The following SCN3A variants were observed in gnomAD, a reference collection of about 807,000 sequenced individuals.
SCN3A encodes sodium channel protein type 3 subunit alpha.
SCN3A carries 60 observed loss-of-function variants against 187.6 expected under a neutral mutation model. The observed-to-expected ratio is 0.32, with a 90% CI of 0.26 to 0.40. The LOEUF is 0.40. Ranked by LOEUF, SCN3A falls within the 10% of genes least tolerant of loss-of-function variation. SCN3A has a pLI of 1.00. For missense variants in SCN3A, 1,601 were observed against 2,428.2 expected (o/e 0.66, Z 7.16); for synonymous variants, 788 against 829.2 (o/e 0.95, Z 0.85).
intron 24 of SCN3A, 29 bp downstream of exon 24, chr2:165,096,438 C>A (rs756470511): frequency 5.8e-6 from 9 of 1,564,786 alleles, no homozygotes; most frequent in African/African-American, 5.4e-5. Context: ...AAATCTAGAA[C>A]CTATAAATAA....
At chr2:165,151,889 C>T (rs557915313) in intron 11 of SCN3A, among the ~76,000 whole-genome samples, 1 of 152,234 alleles carries the variant, frequency 6.6e-6, no homozygotes, top group Admixed American at 6.5e-5. Flanking sequence ...TGTTCCTACA[C>T]TGGCAAACAC....
At chr2:165,130,366 G>A (rs1411249938) in intron 16 of SCN3A, 70 bp from the exon 17 acceptor site, 35 of 1,518,744 alleles carry the variant, frequency 2.3e-5, no homozygotes, top group Non-Finnish European at 2.8e-5. Flanking sequence ...TTATTAGTAT[G>A]TGGTATCATA....
chr2:165,161,066 G>A (rs183473397), intron 9 of SCN3A, among the ~76,000 whole-genome samples: 4 of 150,744 alleles, frequency 2.7e-5, no homozygotes, highest in Admixed American at 2.0e-4. Context: ...AGGACTACAC[G>A]TGTGCATCAC....
intron 12 of SCN3A, among the ~76,000 whole-genome samples, chr2:165,145,498 A>G (rs1002071297): frequency 6.6e-6 from 1 of 152,026 alleles, no homozygotes; most frequent in Admixed American, 6.6e-5. Flanking sequence ...TTGTGTATTC[A>G]TGTCCATTTT....
At chr2:165,160,584 A>T (rs1283778844) in intron 9 of SCN3A, among the ~76,000 whole-genome samples, 6 of 151,518 alleles carry the variant, frequency 4.0e-5, no homozygotes. Context: ...AATAAATAAT[A>T]GTTAATAGGC....
chr2:165,154,999 T>C (rs1170093071), intron 10 of SCN3A, among the ~76,000 whole-genome samples: 1 of 152,178 alleles, frequency 6.6e-6, no homozygotes, highest in Non-Finnish European at 1.5e-5. Context: ...TGGGATTCCA[T>C]TTGCACTGCA....
intron 1 of SCN3A, among the ~76,000 whole-genome samples, chr2:165,200,978 C>T (rs1011243357): frequency 1.3e-5 from 2 of 152,036 alleles, no homozygotes; most frequent in African/African-American, 4.8e-5. Context: ...CAAAGACTTT[C>T]CTGAGATTTA....
In SCN3A at chr2:165,092,391, AC is replaced by A; in HGVS notation, c.4669del (p.Val1557PhefsTer7). On this transcript the variant is annotated frameshift_variant, in exon 27 of 28. Coordinates refer to ENST00000283254, the MANE Select transcript of SCN3A (RefSeq NM_006922.4). LOFTEE classifies it high-confidence loss of function. The surrounding 1 kb of genome is among the most constrained non-coding windows in gnomAD (Gnocchi z 4.2). ...TDDQGKYMTLVLSRINLVFIV... is the reference protein window; with the variant it reads ...TDDQGKYMTLXLSRINLVFIV... ...GAACACTAGGTTGATCCGGGACAAA[AC>A]TAGGGTCATGTATTTGCCCTGGTCA... The A allele has an allele frequency of 6.2e-7, 1 of 1,613,960 alleles. No homozygotes were observed. The highest frequency in any genetic ancestry group is 8.5e-7 in the Non-Finnish European group (1 of 1,179,952).
intron 1 of SCN3A, among the ~76,000 whole-genome samples, chr2:165,198,411 T>C (rs1252826726): frequency 6.6e-6 from 1 of 152,020 alleles, no homozygotes; most frequent in African/African-American, 2.4e-5. Context: ...GCGAAAATAC[T>C]GGTTAGATTG....
chr2:165,163,644 G>T lies in SCN3A; in HGVS notation c.668C>A (p.Ala223Glu). Residue 223 changes from alanine to glutamate, a missense_variant, in exon 7 of 28, where the codon GCA becomes GAA. By Grantham distance (107) the Ala-to-Glu change is moderately radical. Around this residue, in one of 11 missense-constraint regions of SCN3A, gnomAD observed 122 missense variants for 225.1 expected, o/e 0.54. Coordinates refer to ENST00000283254, the MANE Select transcript of SCN3A (RefSeq NM_006922.4). ...SALRTFRVLR[A>E]LKTISVIPGL... ...TGGAATGACTGAAATTGTTTTCAGTGCTCGGAGAACTCTGAATGTTCTCAA... is the reference window on the plus strand; with the variant it reads ...TGGAATGACTGAAATTGTTTTCAGTTCTCGGAGAACTCTGAATGTTCTCAA... 1 of 1,614,030 alleles carries T rather than the reference G, an allele frequency of 6.2e-7. No individual in the cohort carries two copies.
chr2:165,168,319 T>G (rs1325791416), intron 5 of SCN3A, among the ~76,000 whole-genome samples: 1 of 152,016 alleles, frequency 6.6e-6, no homozygotes, highest in Non-Finnish European at 1.5e-5. Context: ...AATTAAGACA[T>G]CTACTTAATT....
intron 2 of SCN3A, among the ~76,000 whole-genome samples, chr2:165,177,679 G>T (rs1690551070): frequency 6.6e-6 from 1 of 152,128 alleles, no homozygotes; most frequent in South Asian, 2.1e-4. Flanking sequence ...TGAGAAAGAA[G>T]GGAAGGCAGA....
chr2:165,163,449 G>T (rs1048951831), intron 7 of SCN3A, among the ~76,000 whole-genome samples, 169 bp downstream of exon 7: 1 of 151,978 alleles, frequency 6.6e-6, no homozygotes, highest in East Asian at 1.9e-4. Context: ...TTATAAATAC[G>T]CATGTAATTT....
At chr2:165,200,897 T>A (rs1332729961) in intron 1 of SCN3A, among the ~76,000 whole-genome samples, 1 of 152,092 alleles carries the variant, frequency 6.6e-6, no homozygotes, top group Non-Finnish European at 1.5e-5. Flanking sequence ...CAAGCACAAT[T>A]TGCCTTTCCA....
intron 11 of SCN3A, among the ~76,000 whole-genome samples, chr2:165,153,539 C>A (rs1434969810): frequency 1.3e-5 from 2 of 151,564 alleles, no homozygotes; most frequent in Admixed American, 6.6e-5. Flanking sequence ...TGAAATCAAA[C>A]AACCTAACTA....
chr2:165,131,541 A>C, intron 15 of SCN3A, 124 bp from the exon 16 acceptor site: 2 of 501,288 alleles, frequency 4.0e-6, no homozygotes, highest in Non-Finnish European at 6.8e-6. Context: ...AATGTGACAA[A>C]TCAATTCAAG....
intron 1 of SCN3A, among the ~76,000 whole-genome samples, chr2:165,193,042 ATTG>A (rs150896659): frequency 0.017 from 2,573 of 152,160 alleles, 64 homozygotes; most frequent in African/African-American, 0.058. Flanking sequence ...AATCAATCTT[ATTG>A]TTTTCTTTTT....
intron 1 of SCN3A, among the ~76,000 whole-genome samples, chr2:165,189,914 C>T (rs964060009): frequency 6.6e-6 from 1 of 152,068 alleles, no homozygotes; most frequent in Non-Finnish European, 1.5e-5. Flanking sequence ...AAGAATTTTT[C>T]AGGTTACAAC....
At chr2:165,110,028 T>C (rs1276122271) in intron 21 of SCN3A, among the ~76,000 whole-genome samples, 1 of 152,010 alleles carries the variant, frequency 6.6e-6, no homozygotes, top group Non-Finnish European at 1.5e-5. Flanking sequence ...CCCTCCCCCA[T>C]GCACTCCCTT....
Sources: allele counts gnomAD v4.1 joint callset (sites outside exome capture counted in the v4.1 genomes callset), GRCh38; gene constraint gnomAD v4.1.1; regional missense constraint gnomAD v4.1.1; non-coding constraint Gnocchi (gnomAD v3.1); transcripts MANE v1.5; gene names NCBI Gene and HGNC (gene_info 2026-07-23, HGNC 2026-07-21).